NDUFA10: variants seen among roughly 807,000 people sequenced by gnomAD.
NDUFA10 encodes the protein NADH dehydrogenase [ubiquinone] 1 alpha subcomplex subunit 10, mitochondrial.
A neutral mutation model predicts 47.8 loss-of-function variants in NDUFA10; 40 were observed. That is an observed-to-expected ratio of 0.84 (90% confidence interval 0.65 to 1.09). The LOEUF (loss-of-function observed/expected upper bound fraction) is 1.09, where lower values mean the gene tolerates loss of function less well. NDUFA10 is among the 50% of genes least tolerant of loss of function. The pLI, the probability that NDUFA10 is intolerant of heterozygous loss-of-function variation, is 0.00. For synonymous variants in NDUFA10, 183 were observed against 172.2 expected, an observed-to-expected ratio of 1.06 and a Z score of -0.49; for missense variants, 413 against 451.1, an observed-to-expected ratio of 0.92 and a Z score of 0.76.
intron 9 of NDUFA10, among the ~76,000 whole-genome samples, chr2:239,964,044 A>C (rs913352167): frequency 2.6e-5 from 4 of 152,212 alleles, no homozygotes; most frequent in Non-Finnish European, 4.4e-5. Context: ...TTCACACGCC[A>C]GGTAATGGCA....
Position 239,987,181 on chromosome 2 carries a change from T to C in NDUFA10, c.999+2893A>G, listed in dbSNP as rs536671069. Among the ~76,000 whole-genome samples, 2 of 152,250 alleles carry C rather than the reference T, an allele frequency of 1.3e-5. No individual in the cohort carries two copies. The highest frequency in any genetic ancestry group is 3.9e-4 in the East Asian group (2 of 5,174). ...GGACAGCAGTAACGTGTGATGCTCA[T>C]GAAGAGGGCCTGTGGACTGGACAGC... On this transcript the variant is annotated intron_variant, in intron 9 of 9. Coordinates refer to ENST00000252711, the MANE Select transcript of NDUFA10 (RefSeq NM_004544.4). The surrounding 1 kb of genome is among the most constrained non-coding windows in gnomAD (Gnocchi z 4.8).
intron 4 of NDUFA10, among the ~76,000 whole-genome samples, chr2:239,940,636 C>T (rs1694345077): frequency 6.6e-6 from 1 of 152,194 alleles, no homozygotes; most frequent in South Asian, 2.1e-4. Flanking sequence ...AAAAGGAACA[C>T]ATTTGAAATT....
chr2:240,023,885 G>C (rs1047461598), intron 1 of NDUFA10, among the ~76,000 whole-genome samples: 4 of 152,224 alleles, frequency 2.6e-5, no homozygotes, highest in African/African-American at 9.6e-5. Context: ...ATAAGTATAT[G>C]AAAAGATGAA....
chr2:239,962,403 TG>T (rs1179801992), intron 9 of NDUFA10, among the ~76,000 whole-genome samples: 1 of 152,120 alleles, frequency 6.6e-6, no homozygotes, highest in Non-Finnish European at 1.5e-5. Context: ...TCTGCCACAG[TG>T]GCCACGCAGT....
chr2:239,923,679 T>C (rs1238847552), intron 4 of NDUFA10, among the ~76,000 whole-genome samples: 1 of 151,692 alleles, frequency 6.6e-6, no homozygotes, highest in African/African-American at 2.4e-5. Context: ...CAAGATAATC[T>C]GAATTCCTAC....
chr2:239,953,302 AGGAAAGCT>A (rs1301348780), downstream of NDUFA10, among the ~76,000 whole-genome samples: 1 of 152,198 alleles, frequency 6.6e-6, no homozygotes, highest in African/African-American at 2.4e-5. Context: ...CCAGGAAACC[AGGAAAGCT>A]GGGAAGGCCA....
At chr2:239,933,620 C>T (rs1476139096) in intron 4 of NDUFA10, among the ~76,000 whole-genome samples, 3 of 150,346 alleles carry the variant, frequency 2.0e-5, no homozygotes, top group South Asian at 4.2e-4. Flanking sequence ...GCTACACTTG[C>T]AGGAAGTCCC....
At chr2:240,020,150 G>A (rs1354792591) in intron 3 of NDUFA10, among the ~76,000 whole-genome samples, 3 of 152,228 alleles carry the variant, frequency 2.0e-5, no homozygotes, top group African/African-American at 7.2e-5. Flanking sequence ...TCCTAGCTCA[G>A]CTCTGAGAAG....
At chr2:239,942,279 A>G (rs1694371912) in intron 4 of NDUFA10, among the ~76,000 whole-genome samples, 1 of 152,224 alleles carries the variant, frequency 6.6e-6, no homozygotes, top group Admixed American at 6.5e-5. Flanking sequence ...CTTGCTAAAC[A>G]CAGATGCTGC....
chr2:239,994,818 T>C (rs1381016410), intron 8 of NDUFA10, among the ~76,000 whole-genome samples: 2 of 152,090 alleles, frequency 1.3e-5, no homozygotes, highest in Non-Finnish European at 1.5e-5. Flanking sequence ...TAGTCCAAAA[T>C]GTTAACAGAG....
chr2:239,953,202 G>T (rs190563956), downstream of NDUFA10, among the ~76,000 whole-genome samples: 30 of 152,312 alleles, frequency 2.0e-4, no homozygotes, highest in Non-Finnish European at 2.9e-4. Flanking sequence ...TCTTGCACAA[G>T]GGAGGCAGCA....
chr2:239,909,309 A>G (rs1348461178), intron 4 of NDUFA10, among the ~76,000 whole-genome samples: 2 of 152,094 alleles, frequency 1.3e-5, no homozygotes, highest in Non-Finnish European at 2.9e-5. Context: ...TAAAACCAAA[A>G]ACTATTTTTA....
chr2:239,960,704 C>T lies in NDUFA10; in HGVS notation c.*414G>A, dbSNP rs13424612. The T allele has an allele frequency of 0.32, 376,830 of 1,159,702 alleles. 63,641 individuals carry two copies. Among genetic ancestry groups the T allele is most frequent in the East Asian group, 0.38 (6,456 of 17,126 alleles). 71.8% of individuals were successfully genotyped at this position (1,159,702 alleles called of 1,614,324 possible). A position where few individuals can be genotyped will look rare whatever the true frequency, so the allele number is the denominator to read the frequency against. On this transcript the variant is annotated 3_prime_UTR_variant, in exon 10 of 10. Transcript: ENST00000252711. The stretch of plus-strand genomic sequence containing the variant: ...CGTGTGTGCACGTGTGCAGTTTCGA[C>T]GTGCCCGCACGCACATAGACGTACG...
chr2:239,986,883 T>C (rs1404940435), intron 9 of NDUFA10, among the ~76,000 whole-genome samples: 1 of 152,036 alleles, frequency 6.6e-6, no homozygotes, highest in Non-Finnish European at 1.5e-5. Context: ...TAACAAGCAA[T>C]AAAGGTAACA....
At chr2:239,917,956 C>A (rs930303751) in intron 4 of NDUFA10, among the ~76,000 whole-genome samples, 4 of 152,208 alleles carry the variant, frequency 2.6e-5, no homozygotes, top group African/African-American at 9.6e-5. Context: ...CAGCCCTGGG[C>A]TGCAGTGCAG....
chr2:239,920,646 C>T (rs1693955780), intron 4 of NDUFA10, among the ~76,000 whole-genome samples: 1 of 152,236 alleles, frequency 6.6e-6, no homozygotes. Context: ...CTGCTCCACA[C>T]AGTTTCTGGA....
Position 239,895,405 on chromosome 2 carries a change from C to G in NDUFA10, c.295-91G>C, listed in dbSNP as rs917924000. On this transcript the variant is annotated intron_variant, in intron 4 of 5. Coordinates refer to the NDUFA10 transcript ENST00000419408. ...GGTGTAGGTGGGGCTTTACTCCACA[C>G]TCATAGGTTCTGAAGCCAGGGCAGC... The G allele has an allele frequency of 1.6e-5, 4 of 257,442 alleles. No individual in the cohort carries two copies. The Admixed American group carries it at 2.0e-4, about 13-fold the overall frequency. The allele number at this position is 257,442 out of a possible 1,614,324, so 15.9% of individuals were successfully genotyped here. A position where few individuals can be genotyped will look rare whatever the true frequency, so the allele number is the denominator to read the frequency against.
chr2:240,020,955 G>C lies in NDUFA10; in HGVS notation c.460+242C>G, dbSNP rs73107416. On this transcript the variant is annotated intron_variant, in intron 3 of 9. Coordinates refer to ENST00000252711, the MANE Select transcript of NDUFA10 (RefSeq NM_004544.4). ...TATGTAAGTATAGAAGCTTAAAGTAGTGCCTTGAGAATTCTATACAATCCA... is the reference window on the plus strand; with the variant it reads ...TATGTAAGTATAGAAGCTTAAAGTACTGCCTTGAGAATTCTATACAATCCA... The C allele has an allele frequency of 4.3e-3, 2,529 of 589,354 alleles. 43 individuals carry two copies. Among genetic ancestry groups the C allele is most frequent in the African/African-American group, 0.042 (2,241 of 53,704 alleles). 36.5% of individuals were successfully genotyped at this position (589,354 alleles called of 1,614,324 possible). A position where few individuals can be genotyped will look rare whatever the true frequency, so the allele number is the denominator to read the frequency against.
chr2:239,999,203 C>T (rs972575061), intron 8 of NDUFA10, among the ~76,000 whole-genome samples: 1 of 152,188 alleles, frequency 6.6e-6, no homozygotes, highest in Non-Finnish European at 1.5e-5. Context: ...TGGTCATCAC[C>T]GCACAATGAC....
Sources: allele counts gnomAD v4.1 joint callset (sites outside exome capture counted in the v4.1 genomes callset), GRCh38; gene constraint gnomAD v4.1.1; non-coding constraint Gnocchi (gnomAD v3.1); transcripts MANE v1.5; gene names NCBI Gene and HGNC (gene_info 2026-07-23, HGNC 2026-07-21).